The following DAXX variants were observed in gnomAD, a reference collection of about 807,000 sequenced individuals.
The protein encoded by DAXX is death domain-associated protein 6.
Under a neutral mutation model 61.9 loss-of-function variants are expected in DAXX, and 24 were observed. That is an observed-to-expected ratio of 0.39 (90% CI 0.28 to 0.55). DAXX has a LOEUF of 0.55. Among genes scored for constraint, DAXX ranks in the 20% least tolerant of loss-of-function variants. DAXX has a pLI of 0.69. For missense variants in DAXX, 819 were observed against 935.3 expected, an observed-to-expected ratio of 0.88 and a Z score of 1.62; for synonymous variants, 357 against 369.5, an observed-to-expected ratio of 0.97 and a Z score of 0.39.
intron 1 of DAXX, 59 bp downstream of exon 1, chr6:33,322,803 A>G (rs1281501914): frequency 3.0e-5 from 23 of 774,524 alleles, no homozygotes; most frequent in East Asian, 2.1e-4. Flanking sequence ...GCTCTCCCCA[A>G]TACCTCTCCC....
At position 33,320,343 on chromosome 6, in the gene DAXX, G is replaced by A; in HGVS notation, c.1251+37C>T. On this transcript the variant is annotated intron_variant, in intron 4 of 7. Transcript: ENST00000374542. This position sits in a 1 kb window ranked among gnomAD's most constrained non-coding sequence, Gnocchi z 7.1. ...CTCCCTGGTGGCCAGTGCAGGGGAA[G>A]GACAATGTCTCTCTGAAGGCTGTAC... 1 of 1,507,240 alleles carries A rather than the reference G, an allele frequency of 6.6e-7. No homozygotes were observed. Among genetic ancestry groups the A allele is most frequent in the East Asian group, 2.3e-5 (1 of 44,356 alleles). 93.4% of individuals were successfully genotyped at this position (1,507,240 alleles called of 1,614,324 possible). A position where few individuals can be genotyped will look rare whatever the true frequency, so the allele number is the denominator to read the frequency against.
Position 33,320,410 on chromosome 6 carries a change from G to A in DAXX, c.1221C>T (p.Asp407=), listed in dbSNP as rs2150992195. ...CAGAATCCAAGGAGGCTTCGGGGGT[G>A]TCTGCAGAGTGGGAAGAGGTGCCTT... ...RLQGTSSHSA[D]TPEASLDSGE... Residue 407 remains aspartate, a synonymous_variant, in exon 4 of 8, where the codon GAC becomes GAT. Coordinates refer to ENST00000374542, the MANE Select transcript of DAXX (RefSeq NM_001141969.2). The surrounding 1 kb of genome is among the most constrained non-coding windows in gnomAD (Gnocchi z 7.1). 1 of 1,613,272 alleles carries A rather than the reference G, an allele frequency of 6.2e-7. No individual in the cohort carries two copies. The highest frequency in any genetic ancestry group is 1.1e-5 in the South Asian group (1 of 91,064).
intron 1 of DAXX, 127 bp downstream of exon 1, chr6:33,322,735 T>A: frequency 5.5e-6 from 1 of 180,288 alleles, no homozygotes. Flanking sequence ...CCCCGGCCGC[T>A]CCACTCCCTT....
chr6:33,321,006 T>A lies in DAXX; in HGVS notation c.769A>T (p.Ile257Phe). The A allele has an allele frequency of 6.2e-7, 1 of 1,613,998 alleles. No individual in the cohort carries two copies. Among genetic ancestry groups the A allele is most frequent in the Non-Finnish European group, 8.5e-7 (1 of 1,179,884 alleles). ...GGGTAGCGGGTGCCACGGTAGGGGA[T>A]GCGCTGCTCTATGACACGGCCGGTC... The part of the protein sequence containing the change: ...SLTGRVIEQR[I>F]PYRGTRYPEV... Residue 257 changes from isoleucine (I) to phenylalanine (F), a missense_variant, in exon 3 of 8, where the codon ATC becomes TTC. Coordinates refer to ENST00000374542, the MANE Select transcript of DAXX (RefSeq NM_001141969.2). The surrounding 1 kb of genome is among the most constrained non-coding windows in gnomAD (Gnocchi z 7.2).
rs1377728336 is a variant in DAXX at position 33,320,059 on chromosome 6, C to G, written c.1417G>C (p.Gly473Arg). The change falls in exon 5 of 8, where the codon GGT (glycine) becomes CGT (arginine). Residue 473 changes from glycine to arginine, a missense_variant. Transcript: ENST00000374542. This position sits in a 1 kb window ranked among gnomAD's most constrained non-coding sequence, Gnocchi z 7.1. ...TCCTCCTCTTCATCATCCTCCTGAC[C>G]CTCCTGCATCTGTTCCAGATCCTCC... ...EEEDLEQMQE[G>R]QEDDEEEDEE... 1 of 1,613,412 alleles carries G rather than the reference C, an allele frequency of 6.2e-7. No homozygotes were observed. Among genetic ancestry groups the G allele is most frequent in the South Asian group, 1.1e-5 (1 of 91,016 alleles).
In DAXX at chr6:33,322,940, C is replaced by G. The variant is rs371905106; in HGVS notation, c.-131G>C. On this transcript the variant is annotated 5_prime_UTR_variant, in exon 1 of 8. Transcript: ENST00000374542. ...GGTTCCCTCCGCCTTCCTTCCCACT[C>G]CCACCGCAGGCCCCACTACGGACCG... 522 of 1,365,378 alleles carry G rather than the reference C, an allele frequency of 3.8e-4. 7 individuals carry two copies. In the East Asian group the frequency reaches 0.011, roughly 28 times the overall value. 84.6% of individuals were successfully genotyped at this position (1,365,378 alleles called of 1,614,324 possible).
chr6:33,319,081 C>T lies in DAXX; in HGVS notation c.2079G>A (p.Leu693=). 1 of 1,614,138 alleles carries T rather than the reference C, an allele frequency of 6.2e-7. No homozygotes were observed. Among genetic ancestry groups the T allele is most frequent in the Non-Finnish European group, 8.5e-7 (1 of 1,180,048 alleles). ...AAGGGATGCAGAGGGAGCTGGTCAC[C>T]AGGCCATGGCTGGGAGAGTCCACCC... is the stretch of plus-strand genomic sequence containing the variant. The part of the protein sequence containing the change: ...STRVDSPSHG[L]VTSSLCIPSP... The change falls in exon 7 of 8, where the codon CTG becomes CTA. Residue 693 remains leucine (L), a synonymous_variant. Transcript: ENST00000374542.
intron 1 of DAXX, 51 bp downstream of exon 1, chr6:33,322,811 C>T (rs1770793444): frequency 2.2e-6 from 2 of 893,874 alleles, no homozygotes; most frequent in East Asian, 3.5e-5. Context: ...CAATACCTCT[C>T]CCTCTATATC....
In DAXX at chr6:33,320,943, G is replaced by C. The variant is rs2150994807; in HGVS notation, c.832C>G (p.Pro278Ala). ...NRRIERLINKPGPDTFPDYGD... is the reference protein window; with the variant it reads ...NRRIERLINKAGPDTFPDYGD... Reference sequence around the variant, plus strand: ...TAGTCAGGGAAGGTATCAGGCCCTGGCTTGTTGATGAGCCGCTCAATGCGC... The same window carrying C: ...TAGTCAGGGAAGGTATCAGGCCCTGCCTTGTTGATGAGCCGCTCAATGCGC... The change falls in exon 3 of 8, where the codon CCA (proline) becomes GCA (alanine). Residue 278 changes from proline (P) to alanine (A), a missense_variant. Transcript: ENST00000374542. This position sits in a 1 kb window ranked among gnomAD's most constrained non-coding sequence, Gnocchi z 7.1. 6.2e-7 allele frequency: 1 copy of C among 1,614,060 alleles called. No homozygotes were observed. Among genetic ancestry groups the C allele is most frequent in the African/African-American group, 1.3e-5 (1 of 75,050 alleles).
intron 7 of DAXX, 72 bp downstream of exon 7, chr6:33,318,925 T>G: frequency 7.1e-7 from 1 of 1,416,028 alleles, no homozygotes. Flanking sequence ...CGTGGAATAT[T>G]CAGACAGAGC....
chr6:33,322,539 G>C, intron 1 of DAXX: 1 of 239,646 alleles, frequency 4.2e-6, no homozygotes, highest in Admixed American at 5.6e-5. Flanking sequence ...TTAGGTTGAA[G>C]ATATTTTACC....
rs768834317 is a variant in DAXX at position 33,319,216 on chromosome 6, A to G, written c.1944T>C (p.Tyr648=). The G allele has an allele frequency of 2.5e-6, 4 of 1,595,526 alleles. No individual in the cohort carries two copies. In the African/African-American group the frequency reaches 4.0e-5, roughly 16 times the overall value. ...QTGSGPLGNS[Y]VERQRSVHEK... is the part of the protein sequence containing the mutation. The stretch of plus-strand genomic sequence containing the variant: ...CATGCACTGACCTTTGCCTTTCCAC[A>G]TAGCTAGAAACAGAAACATAAATAT... Residue 648 remains tyrosine, a synonymous_variant, in exon 7 of 8, where the codon TAT becomes TAC. Coordinates refer to ENST00000374542, the MANE Select transcript of DAXX (RefSeq NM_001141969.2).
Position 33,320,147 on chromosome 6 carries a change from A to C in DAXX, c.1329T>G (p.Ser443Arg), listed in dbSNP as rs1770386752. Residue 443 changes from serine to arginine, a missense_variant, in exon 5 of 8, where the codon AGT becomes AGG. Transcript: ENST00000374542. This position sits in a 1 kb window ranked among gnomAD's most constrained non-coding sequence, Gnocchi z 7.1. ...CCTCCTCCTCCTCCTCTTCCTCATC[A>C]CTCTCCTCATCGTCTTCGTCATCTG... ...AETDDEDDEE[S>R]DEEEEEEEEE... 1.2e-6 allele frequency: 2 copies of C among 1,610,142 alleles called. No homozygotes were observed. Among genetic ancestry groups the C allele is most frequent in the South Asian group, 1.1e-5 (1 of 90,822 alleles).
intron 1 of DAXX, chr6:33,322,519 A>C: frequency 4.3e-6 from 1 of 232,568 alleles, no homozygotes; most frequent in Non-Finnish European, 8.8e-6. Flanking sequence ...AGTCTCCTCA[A>C]ACTGGGGCTT....
intron 6 of DAXX, 35 bp downstream of exon 6, chr6:33,319,345 C>T (rs752339826): frequency 3.8e-6 from 6 of 1,591,652 alleles, no homozygotes; most frequent in Non-Finnish European, 4.3e-6. Context: ...GCAATCCCTC[C>T]TTGGCTTCCC....
intron 1 of DAXX, 100 bp from the exon 2 acceptor site, chr6:33,322,077 C>T (rs753233344): frequency 2.6e-6 from 2 of 761,596 alleles, no homozygotes; most frequent in Non-Finnish European, 4.1e-6. Flanking sequence ...AACATCCAGC[C>T]CTGACCAACA....
In DAXX at chr6:33,319,384, T is replaced by G; in HGVS notation, c.1936A>C (p.Asn646His). 4 of 1,610,258 alleles carry G rather than the reference T, an allele frequency of 2.5e-6. No individual in the cohort carries two copies. The highest frequency in any genetic ancestry group is 3.4e-6 in the Non-Finnish European group (4 of 1,178,906). The change falls in exon 6 of 8, where the codon AAC becomes CAC. Residue 646 changes from asparagine (N) to histidine (H), a missense_variant. Transcript: ENST00000374542. Reference protein sequence around the residue: ...KKQTGSGPLGNSYVERQRSVH... With the variant: ...KKQTGSGPLGHSYVERQRSVH... ...TCCTCCTCCTCTTGTTATTACCTGT[T>G]TCCTAATGGCCCTGATCCTGTTTGC...
rs2150995257 is a variant in DAXX at position 33,321,029 on chromosome 6, G to A, written c.746C>T (p.Thr249Ile). 1 of 1,614,048 alleles carries A rather than the reference G, an allele frequency of 6.2e-7. No homozygotes were observed. Among genetic ancestry groups the A allele is most frequent in the Non-Finnish European group, 8.5e-7 (1 of 1,179,890 alleles). The change falls in exon 3 of 8, where the codon ACC becomes ATC. Residue 249 changes from threonine to isoleucine, a missense_variant. Coordinates refer to ENST00000374542, the MANE Select transcript of DAXX (RefSeq NM_001141969.2). This position sits in a 1 kb window ranked among gnomAD's most constrained non-coding sequence, Gnocchi z 7.2. ...GATGCGCTGCTCTATGACACGGCCGGTCAGTGAAGAGCAGTCTTTCAGCTC... is the reference window on the plus strand; with the variant it reads ...GATGCGCTGCTCTATGACACGGCCGATCAGTGAAGAGCAGTCTTTCAGCTC... ...LCELKDCSSL[T>I]GRVIEQRIPY...
In DAXX at chr6:33,320,556, G is replaced by C. The variant is rs200104639; in HGVS notation, c.1075C>G (p.Arg359Gly). Residue 359 changes from arginine (R) to glycine (G), a missense_variant, in exon 4 of 8, where the codon CGG becomes GGG. By Grantham distance (125) the Arg-to-Gly change is moderately radical. Transcript: ENST00000374542. This position sits in a 1 kb window ranked among gnomAD's most constrained non-coding sequence, Gnocchi z 7.1. ...DPALSDPVLA[R>G]RLRENRSLAM... is the part of the protein sequence containing the mutation. ...AAACTCCGGTTTTCCCGAAGGCGCC[G>C]GGCCAACACAGGATCTGATAGTGCA... is the stretch of plus-strand genomic sequence containing the variant. 6.2e-7 allele frequency: 1 copy of C among 1,613,864 alleles called. No homozygotes were observed. The highest frequency in any genetic ancestry group is 1.3e-5 in the African/African-American group (1 of 75,028).
Sources: gnomAD v4.1 joint callset for allele counts on GRCh38, gnomAD v4.1.1 for gene constraint, Gnocchi (gnomAD v3.1) non-coding constraint, MANE v1.5 for transcripts, NCBI Gene and HGNC (gene_info 2026-07-23, HGNC 2026-07-21) for gene names.